SYNPR: variants seen among roughly 807,000 people sequenced by gnomAD.
SYNPR encodes synaptoporin.
In SYNPR, 23 loss-of-function variants were observed where a neutral mutation model predicts 32.9. That is an observed-to-expected ratio of 0.70 (90% CI 0.50 to 0.99). The LOEUF is 0.99. SYNPR is among the 50% of genes least tolerant of loss of function. The probability of loss-of-function intolerance (pLI) is 0.00; values close to 1 mark genes in which losing one functional copy is unlikely to be tolerated. For synonymous variants in SYNPR, 146 were observed against 135.9 expected, an observed-to-expected ratio of 1.07 and a Z score of -0.52; for missense variants, 318 against 349.3, an observed-to-expected ratio of 0.91 and a Z score of 0.71.
intron 2 of SYNPR, among the ~76,000 whole-genome samples, chr3:63,306,204 T>A (rs1030299857): frequency 1.3e-5 from 2 of 151,978 alleles, no homozygotes; most frequent in African/African-American, 4.8e-5. Flanking sequence ...ATCTCATCGA[T>A]GTATGTCAGG....
At chr3:63,452,358 CT>C (rs1264282129) in intron 2 of SYNPR, among the ~76,000 whole-genome samples, 1 of 152,118 alleles carries the variant, frequency 6.6e-6, no homozygotes, top group African/African-American at 2.4e-5. Context: ...GCTAAGCCAT[CT>C]TGGGTACTAA....
At chr3:63,597,761 C>A (rs941869599) in intron 4 of SYNPR, among the ~76,000 whole-genome samples, 1 of 152,218 alleles carries the variant, frequency 6.6e-6, no homozygotes, top group African/African-American at 2.4e-5. Context: ...ATACGATCTT[C>A]GTTGAAAACT....
intron 2 of SYNPR, among the ~76,000 whole-genome samples, chr3:63,306,589 AAGG>A (rs1287861949): frequency 6.6e-6 from 1 of 151,994 alleles, no homozygotes; most frequent in African/African-American, 2.4e-5. Context: ...AAAATTTACC[AAGG>A]AGTTCATTAT....
At chr3:63,247,466 G>A (rs2086301144) in intron 1 of SYNPR, among the ~76,000 whole-genome samples, 1 of 152,026 alleles carries the variant, frequency 6.6e-6, no homozygotes, top group South Asian at 2.1e-4. Flanking sequence ...TCAACTATCA[G>A]GCTTGCTTAG....
At position 63,615,734 on chromosome 3, in the gene SYNPR, C is replaced by A; in HGVS notation, c.*253C>A. On this transcript the variant is annotated 3_prime_UTR_variant, in exon 6 of 6. Coordinates refer to ENST00000478300, the MANE Select transcript of SYNPR (RefSeq NM_001130003.2). ...ACCTTGTTATATATACAGATACTTT[C>A]ATGGTCATTTTGTATGTATGTTAAA... 2.6e-6 allele frequency: 1 copy of A among 383,570 alleles called. No individual in the cohort carries two copies. 23.8% of individuals were successfully genotyped at this position (383,570 alleles called of 1,614,324 possible). A position where few individuals can be genotyped will look rare whatever the true frequency, so the allele number is the denominator to read the frequency against.
chr3:63,315,465 A>T (rs141478360), intron 2 of SYNPR, among the ~76,000 whole-genome samples: 2 of 151,782 alleles, frequency 1.3e-5, no homozygotes, highest in East Asian at 1.9e-4. Context: ...TTGGTTATGT[A>T]TATCCCTAAG....
rs553306291 is a variant in SYNPR, at chr3:63,422,279, CTT to C, written c.85-58549_85-58548del. On this transcript the variant is annotated intron_variant, in intron 2 of 5. Transcript: ENST00000478300. ...TCTACATTGCTATGTGTTCTCCCTT[CTT>C]TTTAAAATGGGACCTTTTCCCTAAT... is the stretch of plus-strand genomic sequence containing the variant. 2.4e-3 allele frequency among the ~76,000 whole-genome samples: 370 copies of C among 152,238 alleles called. 1 individual carries two copies. The highest frequency in any genetic ancestry group is 4.1e-3 in the Admixed American group (63 of 15,286).
chr3:63,284,447 C>G (rs1456144694), intron 2 of SYNPR, among the ~76,000 whole-genome samples: 1 of 152,140 alleles, frequency 6.6e-6, no homozygotes, highest in African/African-American at 2.4e-5. Context: ...TCTTCTAATC[C>G]TTATTTTTGA....
At chr3:63,318,675 T>C (rs981918892) in intron 2 of SYNPR, among the ~76,000 whole-genome samples, 1 of 152,054 alleles carries the variant, frequency 6.6e-6, no homozygotes, top group Non-Finnish European at 1.5e-5. Context: ...ATCATTTTTT[T>C]GGATTTCTTT....
chr3:63,309,438 TA>T, intron 2 of SYNPR, among the ~76,000 whole-genome samples: 1 of 152,190 alleles, frequency 6.6e-6, no homozygotes, highest in East Asian at 1.9e-4. Context: ...TTCTGGATGT[TA>T]AAAAATTTCT....
chr3:63,224,022 A>G (rs558837185), upstream of SYNPR, among the ~76,000 whole-genome samples: 5 of 152,348 alleles, frequency 3.3e-5, no homozygotes, highest in East Asian at 9.6e-4. Context: ...TAAAAAGTTT[A>G]CAGTCTATTA....
upstream of SYNPR, among the ~76,000 whole-genome samples, chr3:63,274,769 G>T (rs1273350504): frequency 3.3e-5 from 5 of 152,182 alleles, no homozygotes; most frequent in Admixed American, 2.6e-4. Context: ...CCTCTGAATT[G>T]TAGGATATTG....
At chr3:63,425,111 C>G (rs1484495808) in intron 2 of SYNPR, among the ~76,000 whole-genome samples, 1 of 152,146 alleles carries the variant, frequency 6.6e-6, no homozygotes, top group African/African-American at 2.4e-5. Context: ...CACAAAAATC[C>G]TGTTTTCACA....
intron 3 of SYNPR, among the ~76,000 whole-genome samples, chr3:63,495,712 G>GT (rs1701360550): frequency 3.3e-5 from 5 of 151,608 alleles, no homozygotes; most frequent in African/African-American, 1.2e-4. Flanking sequence ...CACTTTTTTT[G>GT]GTTTTTTTCT....
intron 2 of SYNPR, among the ~76,000 whole-genome samples, chr3:63,381,808 C>T (rs1012767858): frequency 2.0e-5 from 3 of 152,016 alleles, no homozygotes; most frequent in Non-Finnish European, 4.4e-5. Flanking sequence ...TTCCTTTTTC[C>T]TGCCTTCCTG....
intron 2 of SYNPR, among the ~76,000 whole-genome samples, chr3:63,290,888 A>G (rs1391707166): frequency 6.6e-6 from 1 of 152,156 alleles, no homozygotes; most frequent in Admixed American, 6.5e-5. Flanking sequence ...CTGGCCTTTT[A>G]TGCACTGGCT....
At chr3:63,269,793 T>C (rs2086518457) in intron 3 of SYNPR, among the ~76,000 whole-genome samples, 1 of 152,210 alleles carries the variant, frequency 6.6e-6, no homozygotes, top group Non-Finnish European at 1.5e-5. Context: ...ACCTAATATG[T>C]GCCAGACACT....
At chr3:63,409,688 C>T (rs1450864597) in intron 2 of SYNPR, among the ~76,000 whole-genome samples, 1 of 152,134 alleles carries the variant, frequency 6.6e-6, no homozygotes, top group Non-Finnish European at 1.5e-5. Context: ...GTCTTCACAA[C>T]CCTATGAGGT....
intron 2 of SYNPR, among the ~76,000 whole-genome samples, chr3:63,296,350 C>T (rs4377491): frequency 0.45 from 68,510 of 152,034 alleles, 15,588 homozygotes; most frequent in Middle Eastern, 0.52. Flanking sequence ...GAATTCTGGA[C>T]GTGGCCCACA....
Sources: gnomAD v4.1 joint callset for allele counts (sites outside exome capture counted in the v4.1 genomes callset) on GRCh38, gnomAD v4.1.1 for gene constraint, MANE v1.5 for transcripts, NCBI Gene and HGNC (gene_info 2026-07-23, HGNC 2026-07-21) for gene names.